The following UNC5C variants were observed in gnomAD, a reference collection of about 807,000 sequenced individuals.
The protein encoded by UNC5C is unc-5 netrin receptor C, also known as netrin receptor UNC5C.
Under a neutral mutation model 99.8 loss-of-function variants are expected in UNC5C, and 47 were observed. That is an observed-to-expected ratio of 0.47 (90% CI 0.37 to 0.60). UNC5C has a LOEUF of 0.60. Ranked by LOEUF, UNC5C falls within the 20% of genes least tolerant of loss-of-function variation. The pLI is 0.00. For synonymous variants in UNC5C, 487 were observed against 452.2 expected (o/e 1.08, Z -0.98); for missense variants, 1,062 against 1,165.9 (o/e 0.91, Z 1.30).
intron 11 of UNC5C, among the ~76,000 whole-genome samples, chr4:95,205,315 A>G (rs1002241073): frequency 1.3e-4 from 20 of 152,210 alleles, no homozygotes; most frequent in African/African-American, 4.8e-4. Context: ...TGTTTTTCAG[A>G]TACATCATTT....
intron 1 of UNC5C, among the ~76,000 whole-genome samples, chr4:95,353,563 A>G (rs28631733): frequency 0.14 from 21,204 of 152,016 alleles, 1,699 homozygotes; most frequent in African/African-American, 0.2. Flanking sequence ...AGTCACAAGC[A>G]TGGAAAATTA....
At chr4:95,405,850 A>T (rs1435975912) in intron 1 of UNC5C, among the ~76,000 whole-genome samples, 2 of 152,168 alleles carry the variant, frequency 1.3e-5, no homozygotes, top group Non-Finnish European at 2.9e-5. Context: ...ATTTTCTTTG[A>T]AATGTATTAA....
intron 1 of UNC5C, among the ~76,000 whole-genome samples, chr4:95,365,460 G>A (rs555259038): frequency 1.2e-3 from 173 of 148,010 alleles, no homozygotes; most frequent in Non-Finnish European, 2.1e-3. Context: ...AATATATAAT[G>A]TAAAAGATAA....
chr4:95,292,236 CATATAT>C (rs71583696), intron 3 of UNC5C, among the ~76,000 whole-genome samples: 1,379 of 88,712 alleles, frequency 0.016, 11 homozygotes, highest in South Asian at 0.032. Context: ...CACACACACA[CATATAT>C]ATATATATAT....
intron 1 of UNC5C, among the ~76,000 whole-genome samples, chr4:95,529,711 A>G (rs1321129959): frequency 6.6e-6 from 1 of 152,050 alleles, no homozygotes; most frequent in African/African-American, 2.4e-5. Flanking sequence ...TGAGTAACAG[A>G]GCGAGACCCT....
intron 2 of UNC5C, among the ~76,000 whole-genome samples, chr4:95,316,476 A>G (rs900410069): frequency 2.0e-5 from 3 of 152,164 alleles, no homozygotes; most frequent in African/African-American, 7.2e-5. Flanking sequence ...CCGCAGGCAC[A>G]CTTTTAATTT....
intron 5 of UNC5C, among the ~76,000 whole-genome samples, chr4:95,246,256 G>A (rs1259521721): frequency 2.0e-5 from 3 of 152,130 alleles, no homozygotes; most frequent in Non-Finnish European, 4.4e-5. Flanking sequence ...ACTGTAGAAG[G>A]CTATTTAATA....
chr4:95,328,040 C>CTTTTTTTTTTTTTTTTTTTTTTT (rs34794058), intron 2 of UNC5C, among the ~76,000 whole-genome samples: 8 of 87,062 alleles, frequency 9.2e-5, no homozygotes, highest in Admixed American at 1.6e-4. Context: ...CAGGCAACTT[C>CTTTTTTTTTTTTTTTTTTTTTTT]TTTTTTTTTT....
chr4:95,478,281 G>T (rs1289570152), intron 1 of UNC5C, among the ~76,000 whole-genome samples: 2 of 151,894 alleles, frequency 1.3e-5, no homozygotes, highest in Non-Finnish European at 2.9e-5. Flanking sequence ...TGCCTCGGTT[G>T]TCTCTAAGCT....
chr4:95,185,332 G>C (rs1385741793), intron 12 of UNC5C, 136 bp from the exon 13 acceptor site: 1 of 1,023,496 alleles, frequency 9.8e-7, no homozygotes, highest in Non-Finnish European at 1.4e-6. Flanking sequence ...ACCCACTTTT[G>C]CAGCCTCGAG....
intron 2 of UNC5C, among the ~76,000 whole-genome samples, chr4:95,315,203 T>C (rs1171468662): frequency 1.3e-5 from 2 of 152,156 alleles, no homozygotes; most frequent in African/African-American, 2.4e-5. Flanking sequence ...ATATTCCATA[T>C]CATTTAAGTC....
At chr4:95,245,766 T>C (rs547549791) in intron 5 of UNC5C, among the ~76,000 whole-genome samples, 1 of 152,230 alleles carries the variant, frequency 6.6e-6, no homozygotes, top group Non-Finnish European at 1.5e-5. Flanking sequence ...CCAATTATGA[T>C]GTCTGATGGA....
rs564411256 is a variant in UNC5C, at chr4:95,496,287, T to C, written c.124+52447A>G. The stretch of plus-strand genomic sequence containing the variant: ...TAACCAAAAATGTCTAATAACTTTT[T>C]TCTTTTAAACAAGTGAATGACCTAG... On this transcript the variant is annotated intron_variant, in intron 1 of 15. Coordinates refer to ENST00000453304, the MANE Select transcript of UNC5C (RefSeq NM_003728.4). Among the ~76,000 whole-genome samples, 76 of 151,938 alleles carry C rather than the reference T, an allele frequency of 5.0e-4. No homozygotes were observed. In the South Asian group the frequency reaches 0.015, roughly 29 times the overall value.
At chr4:95,292,649 A>G (rs1741520051) in intron 3 of UNC5C, among the ~76,000 whole-genome samples, 1 of 152,210 alleles carries the variant, frequency 6.6e-6, no homozygotes, top group Non-Finnish European at 1.5e-5. Context: ...GAGAAGTGCT[A>G]TGCAGAAACG....
chr4:95,406,688 T>A (rs1745840338), intron 1 of UNC5C, among the ~76,000 whole-genome samples: 1 of 152,198 alleles, frequency 6.6e-6, no homozygotes, highest in Admixed American at 6.5e-5. Flanking sequence ...ATTCTTTATT[T>A]CCAAGTTTAA....
chr4:95,217,793 G>A (rs1309571895), intron 9 of UNC5C, among the ~76,000 whole-genome samples: 2 of 152,096 alleles, frequency 1.3e-5, no homozygotes, highest in Admixed American at 1.3e-4. Context: ...CTTAAAGTAT[G>A]TTTTGATTCA....
At chr4:95,206,086 C>T (rs61430542) in intron 11 of UNC5C, among the ~76,000 whole-genome samples, 7,924 of 151,376 alleles carry the variant, frequency 0.052, 664 homozygotes, top group African/African-American at 0.18. Context: ...CTGCAACCTC[C>T]GCCTCCCGGG....
chr4:95,449,221 T>C (rs1454397577), intron 1 of UNC5C, among the ~76,000 whole-genome samples: 1 of 152,186 alleles, frequency 6.6e-6, no homozygotes, highest in Non-Finnish European at 1.5e-5. Flanking sequence ...AGTTAAGCCC[T>C]CAACTTGATG....
intron 2 of UNC5C, among the ~76,000 whole-genome samples, chr4:95,310,282 G>C (rs1742230378): frequency 6.6e-6 from 1 of 152,092 alleles, no homozygotes; most frequent in African/African-American, 2.4e-5. Flanking sequence ...ACAGAGGGTA[G>C]GGGGTCCCAA....
Sources: gnomAD v4.1 joint callset for allele counts (sites outside exome capture counted in the v4.1 genomes callset) on GRCh38, gnomAD v4.1.1 for gene constraint, MANE v1.5 for transcripts, NCBI Gene and HGNC (gene_info 2026-07-23, HGNC 2026-07-21) for gene names.